The following ZNF654 variants were observed in gnomAD, a reference collection of about 807,000 sequenced individuals.
ZNF654 encodes melanoma-associated antigen.
In ZNF654, 19 loss-of-function variants were observed where a neutral mutation model predicts 95.3. The ratio of observed to expected loss-of-function variants is 0.20; its 90% CI spans 0.14 to 0.29. ZNF654 has a LOEUF of 0.29. Among genes scored for constraint, ZNF654 ranks in the 10% least tolerant of loss-of-function variants. The pLI, the probability that ZNF654 is intolerant of heterozygous loss-of-function variation, is 1.00. For missense variants in ZNF654, 1,046 were observed against 1,341.0 expected, an observed-to-expected ratio of 0.78 and a Z score of 3.44; for synonymous variants, 413 against 457.9, an observed-to-expected ratio of 0.90 and a Z score of 1.25.
intron 1 of ZNF654, among the ~76,000 whole-genome samples, chr3:88,062,607 GT>G (rs1283272075): frequency 6.6e-6 from 1 of 152,070 alleles, no homozygotes; most frequent in Non-Finnish European, 1.5e-5. Flanking sequence ...TGAATTTTTT[GT>G]CATAAATTGA....
At chr3:88,075,271 C>T (rs1707738386) in intron 1 of ZNF654, among the ~76,000 whole-genome samples, 1 of 152,214 alleles carries the variant, frequency 6.6e-6, no homozygotes, top group African/African-American at 2.4e-5. Flanking sequence ...ACGCTTCAAG[C>T]ATAGTCATTT....
chr3:88,079,757 CTT>C (rs1707987863), intron 1 of ZNF654, among the ~76,000 whole-genome samples: 1 of 151,998 alleles, frequency 6.6e-6, no homozygotes, highest in Admixed American at 6.6e-5. Flanking sequence ...AAGATTCTGT[CTT>C]ATTACATTTA....
At chr3:88,119,509 T>C in intron 3 of ZNF654, among the ~76,000 whole-genome samples, 1 of 149,586 alleles carries the variant, frequency 6.7e-6, no homozygotes, top group Non-Finnish European at 1.5e-5. Context: ...ACCTGCACAA[T>C]GTGCACGTGT....
At chr3:88,134,771 A>G (rs927847773) in intron 6 of ZNF654, among the ~76,000 whole-genome samples, 1 of 152,092 alleles carries the variant, frequency 6.6e-6, no homozygotes, top group South Asian at 2.1e-4. Flanking sequence ...GTATTGGCAC[A>G]TTAGGATTAG....
rs541729387 is a variant in ZNF654 at position 88,110,052 on chromosome 3, G to C, written c.333-3063G>C. Among the ~76,000 whole-genome samples the C allele has an allele frequency of 2.5e-4, 38 of 152,212 alleles. 1 individual carries two copies. The South Asian group carries it at 4.1e-3, about 17-fold the overall frequency. ...ATCTTGTGTTTCCTTATAGATTGTTGAAGAAAATCTGGATGGTGACATGTT... is the reference window on the plus strand; with the variant it reads ...ATCTTGTGTTTCCTTATAGATTGTTCAAGAAAATCTGGATGGTGACATGTT... On this transcript the variant is annotated intron_variant, in intron 2 of 8. Transcript: ENST00000636215.
At chr3:88,094,931 A>G (rs2107691395) in intron 2 of ZNF654, among the ~76,000 whole-genome samples, 1 of 152,262 alleles carries the variant, frequency 6.6e-6, no homozygotes, top group Non-Finnish European at 1.5e-5. Flanking sequence ...AATTGACAAA[A>G]TTTTGCTCAC....
chr3:88,129,674 TTTCCTC>T lies in ZNF654; in HGVS notation c.754-10_754-5del. ...TTTAATTATATGAACTGATTTCTCT[TTTCCTC>T]TTACAGCATTTATTGAAAACTGATT... On this transcript the variant is annotated splice_polypyrimidine_tract_variant and splice_region_variant and intron_variant, in intron 5 of 8. Coordinates refer to ENST00000636215, the MANE Select transcript of ZNF654 (RefSeq NM_001350134.2). 7.0e-7 allele frequency: 1 copy of T among 1,438,482 alleles called. No individual in the cohort carries two copies. The highest frequency in any genetic ancestry group is 9.2e-7 in the Non-Finnish European group (1 of 1,087,944). The allele number at this position is 1,438,482 out of a possible 1,614,324, so 89.1% of individuals were successfully genotyped here.
At chr3:88,098,806 C>A (rs562474085) in intron 2 of ZNF654, among the ~76,000 whole-genome samples, 3 of 152,136 alleles carry the variant, frequency 2.0e-5, no homozygotes, top group Non-Finnish European at 1.5e-5. Context: ...TAAAAACTCT[C>A]AATAAATTAG....
chr3:88,113,308 A>G, intron 3 of ZNF654, 112 bp downstream of exon 3: 1 of 587,240 alleles, frequency 1.7e-6, no homozygotes, highest in Non-Finnish European at 2.8e-6. Context: ...AATGATTGCT[A>G]AGGTGACAGT....
At chr3:88,071,728 CG>C (rs1707525984) in intron 1 of ZNF654, among the ~76,000 whole-genome samples, 1 of 151,420 alleles carries the variant, frequency 6.6e-6, no homozygotes, top group African/African-American at 2.4e-5. Context: ...CACTTGAACC[CG>C]GGAGGCAGAG....
At chr3:88,129,320 G>GAAA in intron 5 of ZNF654, among the ~76,000 whole-genome samples, 1 of 50,592 alleles carries the variant, frequency 2.0e-5, no homozygotes, top group Middle Eastern at 0.022. Context: ...CTTGCCAGGA[G>GAAA]TAAAAAAAAA....
intron 1 of ZNF654, among the ~76,000 whole-genome samples, chr3:88,065,619 A>AT (rs532198365): frequency 2.8e-4 from 42 of 149,980 alleles, no homozygotes; most frequent in Admixed American, 8.0e-4. Context: ...TATTTTTTAC[A>AT]TTTTTTTTTT....
At chr3:88,067,936 G>T (rs1205611134) in intron 1 of ZNF654, among the ~76,000 whole-genome samples, 1 of 151,400 alleles carries the variant, frequency 6.6e-6, no homozygotes, top group Non-Finnish European at 1.5e-5. Flanking sequence ...TTAAAATCTG[G>T]TGAGAATGAT....
intron 1 of ZNF654, among the ~76,000 whole-genome samples, chr3:88,068,040 T>A (rs1344242111): frequency 6.6e-6 from 1 of 151,932 alleles, no homozygotes; most frequent in South Asian, 2.1e-4. Context: ...AAAGCACAAG[T>A]GGAGGGGTGT....
Position 88,140,400 on chromosome 3 carries a change from C to G in ZNF654, c.2731C>G (p.Pro911Ala), listed in dbSNP as rs773770638. Residue 911 changes from proline (P) to alanine (A), a missense_variant, in exon 8 of 9, where the codon CCA becomes GCA. Transcript: ENST00000636215. The part of the protein sequence containing the change: ...SSNEKQTISL[P>A]VSTSKSRKES... ...TAATGAGAAACAAACTATTAGTCTG[C>G]CAGTTTCTACTAGCAAATCAAGGAA... The G allele has an allele frequency of 1.7e-5, 27 of 1,612,994 alleles. No individual in the cohort carries two copies. The highest frequency in any genetic ancestry group is 2.3e-5 in the Non-Finnish European group (27 of 1,179,472).
intron 1 of ZNF654, among the ~76,000 whole-genome samples, chr3:88,067,313 G>A (rs1341446511): frequency 6.6e-6 from 1 of 152,206 alleles, no homozygotes. Flanking sequence ...CGTTTGGTTT[G>A]ATATGTTGAA....
chr3:88,060,345 G>A (rs1159242455), intron 1 of ZNF654, among the ~76,000 whole-genome samples: 1 of 152,156 alleles, frequency 6.6e-6, no homozygotes, highest in African/African-American at 2.4e-5. Flanking sequence ...CAAAGTGTTT[G>A]TAATCAAATA....
At chr3:88,100,631 T>TA (rs1426061506) in intron 2 of ZNF654, among the ~76,000 whole-genome samples, 2 of 152,172 alleles carry the variant, frequency 1.3e-5, no homozygotes, top group East Asian at 3.9e-4. Context: ...GATGCAGCCA[T>TA]AAAAAGGATG....
chr3:88,097,666 G>A (rs1452692111), intron 2 of ZNF654, among the ~76,000 whole-genome samples: 1 of 151,436 alleles, frequency 6.6e-6, no homozygotes, highest in African/African-American at 2.5e-5. Context: ...TTAGAACTCA[G>A]GATTAAGAAA....
Sources: allele counts gnomAD v4.1 joint callset (sites outside exome capture counted in the v4.1 genomes callset), GRCh38; gene constraint gnomAD v4.1.1; transcripts MANE v1.5; gene names NCBI Gene and HGNC (gene_info 2026-07-23, HGNC 2026-07-21).